APTX: variants seen among roughly 807,000 people sequenced by gnomAD.
APTX encodes the protein aprataxin.
In APTX, 33 loss-of-function variants were observed where a neutral mutation model predicts 42.3. The observed-to-expected ratio is 0.78, with a 90% CI of 0.59 to 1.04. APTX has a LOEUF of 1.04. APTX is among the 50% of genes least tolerant of loss of function. The pLI, the probability that APTX is intolerant of heterozygous loss-of-function variation, is 0.00. For missense variants in APTX, 421 were observed against 415.1 expected, an observed-to-expected ratio of 1.01 and a Z score of -0.12; for synonymous variants, 130 against 146.7, an observed-to-expected ratio of 0.89 and a Z score of 0.82.
intron 5 of APTX, 131 bp downstream of exon 5, chr9:32,985,840 A>T: frequency 1.1e-6 from 1 of 892,236 alleles, no homozygotes; most frequent in Non-Finnish European, 1.8e-6. Context: ...TCTTGTTCTC[A>T]CAGAACAGCC....
chr9:32,996,088 A>G (rs1834847281), intron 1 of APTX, among the ~76,000 whole-genome samples: 1 of 152,144 alleles, frequency 6.6e-6, no homozygotes, highest in Admixed American at 6.5e-5. Context: ...TTGTTCAGCC[A>G]TAATGCTATT....
chr9:33,001,149 G>A (rs1836333340), intron 1 of APTX, among the ~76,000 whole-genome samples: 1 of 151,502 alleles, frequency 6.6e-6, no homozygotes, highest in Admixed American at 6.6e-5. Context: ...GCCCGGCCAA[G>A]GACTGCTTCT....
intron 6 of APTX, 105 bp downstream of exon 6, chr9:32,984,526 C>T: frequency 8.3e-7 from 1 of 1,204,354 alleles, no homozygotes; most frequent in Non-Finnish European, 1.2e-6. Context: ...CTCCATCCCA[C>T]TTCCCTGGGT....
intron 1 of APTX, among the ~76,000 whole-genome samples, chr9:33,018,310 C>T (rs1373069244): frequency 6.6e-6 from 1 of 151,650 alleles, no homozygotes; most frequent in Non-Finnish European, 1.5e-5. Flanking sequence ...TGAGGTTTCA[C>T]CATCTCTACT....
In APTX at chr9:32,984,872, C is replaced by A. The variant is rs764765996; in HGVS notation, c.544-15G>T. The A allele has an allele frequency of 6.2e-7, 1 of 1,604,084 alleles. No homozygotes were observed. Among genetic ancestry groups the A allele is most frequent in the East Asian group, 2.2e-5 (1 of 44,822 alleles). On this transcript the variant is annotated splice_polypyrimidine_tract_variant and intron_variant, in intron 5 of 7. Coordinates refer to ENST00000379817, the MANE Select transcript of APTX (RefSeq NM_001195248.2). ...TCTTTGTAAACCTAGCAGAGGGATACAAGAGAAGGAAACAGACATCTACTA... is the reference window on the plus strand; with the variant it reads ...TCTTTGTAAACCTAGCAGAGGGATAAAAGAGAAGGAAACAGACATCTACTA...
chr9:32,986,043 CA>C lies in APTX; in HGVS notation c.484-14del, dbSNP rs752438493. On this transcript the variant is annotated splice_polypyrimidine_tract_variant and intron_variant, in intron 4 of 7. Coordinates refer to ENST00000379817, the MANE Select transcript of APTX (RefSeq NM_001195248.2). ...GGCCCAGGGATTCCTAAAAAAAAAA[CA>C]AAAAAAAAAACAAAAAAAAAAAAAA... 95 of 984,966 alleles carry C rather than the reference CA, an allele frequency of 9.6e-5. No homozygotes were observed. The highest frequency in any genetic ancestry group is 1.1e-4 in the Non-Finnish European group (79 of 709,290). 61.0% of individuals were successfully genotyped at this position (984,966 alleles called of 1,614,324 possible). A position where few individuals can be genotyped will look rare whatever the true frequency, so the allele number is the denominator to read the frequency against.
At chr9:32,981,551 T>A (rs1830677376) in intron 6 of APTX, among the ~76,000 whole-genome samples, 1 of 152,116 alleles carries the variant, frequency 6.6e-6, no homozygotes, top group Admixed American at 6.6e-5. Context: ...CAAGAAGACC[T>A]AGGGCTCTTT....
In APTX at chr9:32,974,572, G is replaced by GAAAA; in HGVS notation, c.771-15_771-12dup. ...TGAAGATGTACATGGCTAGTTGAAA[G>GAAAA]AAAAAAAAACTGAGCATTAAACTCT... is the stretch of plus-strand genomic sequence containing the variant. On this transcript the variant is annotated splice_polypyrimidine_tract_variant and intron_variant, in intron 6 of 7. Transcript: ENST00000379817. 2 of 1,369,092 alleles carry GAAAA rather than the reference G, an allele frequency of 1.5e-6. No individual in the cohort carries two copies. The highest frequency in any genetic ancestry group is 2.1e-6 in the Non-Finnish European group (2 of 975,216). 84.8% of individuals were successfully genotyped at this position (1,369,092 alleles called of 1,614,324 possible).
chr9:32,982,180 C>T lies in APTX; in HGVS notation c.770+2451G>A, dbSNP rs150149038. Among the ~76,000 whole-genome samples, 30 of 152,152 alleles carry T rather than the reference C, an allele frequency of 2.0e-4. No individual in the cohort carries two copies. In the East Asian group the frequency reaches 5.2e-3, roughly 26 times the overall value. On this transcript the variant is annotated intron_variant, in intron 6 of 7. Coordinates refer to ENST00000379817, the MANE Select transcript of APTX (RefSeq NM_001195248.2). ...AAAAAATGCATAACGTCAACCTAAT[C>T]ATGAAAAACAAAATTAGACAAACCC...
chr9:32,973,505 G>C lies in APTX; in HGVS notation c.1022C>G (p.Thr341Arg). 1.2e-6 allele frequency: 2 copies of C among 1,614,112 alleles called. No homozygotes were observed. Among genetic ancestry groups the C allele is most frequent in the Non-Finnish European group, 1.7e-6 (2 of 1,180,014 alleles). The change falls in exon 8 of 8, where the codon ACA becomes AGA. Residue 341 changes from threonine to arginine, a missense_variant. By Grantham distance (71) the Thr-to-Arg change is moderately conservative (BLOSUM62 -1). Transcript: ENST00000379817. ...AGCTCAGGCTCTGCAGAATCACTGT[G>C]TCCAGTGCTTCCTGAGATGTTCTTT... Reference protein sequence around the residue: ...QLKEHLRKHWTQ With the variant: ...QLKEHLRKHWRQ
intron 6 of APTX, among the ~76,000 whole-genome samples, chr9:32,982,182 T>G (rs1422083703): frequency 6.6e-6 from 1 of 152,010 alleles, no homozygotes; most frequent in African/African-American, 2.4e-5. Flanking sequence ...AACCTAATCA[T>G]GAAAAACAAA....
intron 1 of APTX, 74 bp downstream of exon 1, chr9:33,001,493 A>C (rs1212132414): frequency 3.7e-6 from 6 of 1,608,290 alleles, no homozygotes; most frequent in Non-Finnish European, 5.1e-6. Context: ...CAAGGGTAGG[A>C]GCAGCCTCGG....
chr9:32,978,217 G>C (rs1486299163), intron 6 of APTX, among the ~76,000 whole-genome samples: 1 of 152,118 alleles, frequency 6.6e-6, no homozygotes, highest in African/African-American at 2.4e-5. Flanking sequence ...AGACTGAGTG[G>C]GGAAACTCAG....
At chr9:33,012,897 G>A (rs1164625556) in intron 1 of APTX, among the ~76,000 whole-genome samples, 1 of 152,166 alleles carries the variant, frequency 6.6e-6, no homozygotes, top group Non-Finnish European at 1.5e-5. Context: ...CTGAAATCTG[G>A]GTCAAGGCTC....
At chr9:32,995,933 G>C (rs1834794269) in intron 1 of APTX, among the ~76,000 whole-genome samples, 1 of 148,866 alleles carries the variant, frequency 6.7e-6, no homozygotes, top group African/African-American at 2.5e-5. Flanking sequence ...CAAACCTTCA[G>C]CAACTATGAC....
intron 1 of APTX, among the ~76,000 whole-genome samples, chr9:33,018,165 C>T (rs1035354103): frequency 1.1e-4 from 17 of 150,414 alleles, no homozygotes; most frequent in African/African-American, 3.9e-4. Flanking sequence ...GGCTGGAGCG[C>T]GGTGGCACGA....
intron 1 of APTX, chr9:33,024,974 AC>A (rs1051306303): frequency 1.3e-4 from 19 of 146,704 alleles, no homozygotes; most frequent in African/African-American, 4.8e-4. Flanking sequence ...CGGCCACCCC[AC>A]AGGTTTGGGA....
chr9:32,985,464 A>AGCT (rs1831759620), intron 5 of APTX, among the ~76,000 whole-genome samples: 1 of 151,446 alleles, frequency 6.6e-6, no homozygotes, highest in African/African-American at 2.4e-5. Flanking sequence ...CCTCTCGAGT[A>AGCT]GCTGAGATTA....
chr9:33,015,272 G>A (rs528412543), intron 1 of APTX, among the ~76,000 whole-genome samples: 4 of 152,330 alleles, frequency 2.6e-5, no homozygotes, highest in Non-Finnish European at 5.9e-5. Context: ...TGTACACTGC[G>A]TGATGTGGGA....
Sources: allele counts gnomAD v4.1 joint callset (sites outside exome capture counted in the v4.1 genomes callset), GRCh38; gene constraint gnomAD v4.1.1; transcripts MANE v1.5; gene names NCBI Gene and HGNC (gene_info 2026-07-23, HGNC 2026-07-21).